The following MIA variants were observed in gnomAD, a reference collection of about 807,000 sequenced individuals.
MIA encodes the protein melanoma-derived growth regulatory protein.
MIA carries 18 observed loss-of-function variants against 18.5 expected under a neutral mutation model. The ratio of observed to expected loss-of-function variants is 0.97; its 90% confidence interval spans 0.67 to 1.44. The LOEUF (loss-of-function observed/expected upper bound fraction) is 1.44. MIA is among the 40% of genes most tolerant of loss of function. MIA has a pLI of 0.00. For synonymous variants in MIA, 55 were observed against 64.9 expected, an observed-to-expected ratio of 0.85 and a Z score of 0.74; for missense variants, 158 against 172.4, an observed-to-expected ratio of 0.92 and a Z score of 0.47.
At chr19:40,776,260 C>T (rs2082995574) in intron 2 of MIA, among the ~76,000 whole-genome samples, 2 of 152,102 alleles carry the variant, frequency 1.3e-5, no homozygotes. Flanking sequence ...CTCCTGACCT[C>T]ATGATCTGCC....
rs953871627 is a variant in MIA, at chr19:40,775,590, C to T, written c.48C>T (p.Ala16=). 1.9e-6 allele frequency: 3 copies of T among 1,614,192 alleles called. No individual in the cohort carries two copies. Among genetic ancestry groups the T allele is most frequent in the Middle Eastern group, 1.6e-4 (1 of 6,062 alleles). The change falls in exon 1 of 4, where the codon GCC becomes GCT. Residue 16 remains alanine (A), a synonymous_variant. Coordinates refer to ENST00000263369, the MANE Select transcript of MIA (RefSeq NM_006533.4). ...VCLGVIILLS[A]FSGPGVRGGP... ...TTGGTGTCATCATCTTGCTGTCTGC[C>T]TTCTCCGGACCTGGTGTCAGGGGTG...
At chr19:40,775,951 G>A (rs2082993054) in intron 2 of MIA, 66 bp downstream of exon 2, 1 of 1,570,812 alleles carries the variant, frequency 6.4e-7, no homozygotes, top group East Asian at 2.3e-5. Context: ...TCCCCATGAA[G>A]GGAAGATTTG....
intron 3 of MIA, 32 bp downstream of exon 3, chr19:40,777,111 G>C (rs374749826): frequency 2.6e-5 from 41 of 1,576,834 alleles, no homozygotes; most frequent in Non-Finnish European, 3.4e-5. Flanking sequence ...AAGAAATGTG[G>C]GGGGAGGACC....
At position 40,775,670 on chromosome 19, in the gene MIA, G is replaced by GT. The variant is rs1568488814; in HGVS notation, c.127+2dup. On this transcript the variant is annotated splice_donor_variant, in intron 1 of 3. Transcript: ENST00000263369. LOFTEE classifies it high-confidence loss of function. Reference sequence around the variant, plus strand: ...CTGTGTGCGGACCAGGAGTGCAGCCGTAAGAATGGGGAGGGGAGAATTGGG... The same window carrying GT: ...CTGTGTGCGGACCAGGAGTGCAGCCGTTAAGAATGGGGAGGGGAGAATTGGG... The GT allele has an allele frequency of 1.2e-6, 2 of 1,614,032 alleles. No individual in the cohort carries two copies. The highest frequency in any genetic ancestry group is 4.5e-5 in the East Asian group (2 of 44,890).
upstream of MIA, chr19:40,775,449 A>G: frequency 1.9e-6 from 3 of 1,585,132 alleles, no homozygotes; most frequent in Non-Finnish European, 2.6e-6. Flanking sequence ...GACAAGACCA[A>G]GAACACAAGT....
At chr19:40,777,259 G>C in intron 3 of MIA, 138 bp from the exon 4 acceptor site, 1 of 1,152,166 alleles carries the variant, frequency 8.7e-7, no homozygotes, top group Non-Finnish European at 1.3e-6. Flanking sequence ...GCAAAGATTA[G>C]AGGGCTCTAG....
At chr19:40,775,462 C>T, upstream of MIA, 1 of 1,597,084 alleles carries the variant, frequency 6.3e-7, no homozygotes, top group Non-Finnish European at 8.6e-7. Flanking sequence ...ACACAAGTTT[C>T]CTTGTACTAC....
Position 40,775,893 on chromosome 19 carries a change from T to C in MIA, c.261+8T>C, listed in dbSNP as rs1415904132. The C allele has an allele frequency of 6.2e-7, 1 of 1,613,350 alleles. No homozygotes were observed. The highest frequency in any genetic ancestry group is 1.1e-5 in the South Asian group (1 of 91,016). On this transcript the variant is annotated splice_region_variant and intron_variant, in intron 2 of 3. Coordinates refer to ENST00000263369, the MANE Select transcript of MIA (RefSeq NM_006533.4). ...CTCTTCTGGGGAGGCAGCGTGAGTCTTGGGAGAGTGAAAGAGGGAAGGGTA... is the reference window on the plus strand; with the variant it reads ...CTCTTCTGGGGAGGCAGCGTGAGTCCTGGGAGAGTGAAAGAGGGAAGGGTA...
chr19:40,776,422 T>C (rs1338961038), intron 2 of MIA, among the ~76,000 whole-genome samples: 2 of 151,776 alleles, frequency 1.3e-5, no homozygotes, highest in Admixed American at 1.3e-4. Flanking sequence ...TTTATTCTAA[T>C]GGAGGGAAAT....
In MIA at chr19:40,776,945, T is replaced by C. The variant is rs539978514; in HGVS notation, c.262-24T>C. The C allele has an allele frequency of 7.0e-6, 11 of 1,574,142 alleles. No homozygotes were observed. In the East Asian group the frequency reaches 2.5e-4, roughly 35 times the overall value. On this transcript the variant is annotated intron_variant, in intron 2 of 3. Coordinates refer to ENST00000263369, the MANE Select transcript of MIA (RefSeq NM_006533.4). ...ACAAGCTTGCCATCTTCCCAGACCC[T>C]AGCTTTTAACTCCTCTTCCCCAGGT...
intron 3 of MIA, 125 bp downstream of exon 3, chr19:40,777,204 C>A: frequency 9.0e-7 from 1 of 1,110,266 alleles, no homozygotes. Context: ...AAATTCTTTC[C>A]CTGCCTCAAT....
rs140077816 is a variant in MIA, at chr19:40,775,670, G to T, written c.127+1G>T. 6.2e-7 allele frequency: 1 copy of T among 1,614,150 alleles called. No individual in the cohort carries two copies. On this transcript the variant is annotated splice_donor_variant, in intron 1 of 3. Coordinates refer to ENST00000263369, the MANE Select transcript of MIA (RefSeq NM_006533.4). LOFTEE classifies it high-confidence loss of function. Reference sequence around the variant, plus strand: ...CTGTGTGCGGACCAGGAGTGCAGCCGTAAGAATGGGGAGGGGAGAATTGGG... The same window carrying T: ...CTGTGTGCGGACCAGGAGTGCAGCCTTAAGAATGGGGAGGGGAGAATTGGG...
At chr19:40,777,114 G>C (rs2083002870) in intron 3 of MIA, 35 bp downstream of exon 3, 1 of 1,570,234 alleles carries the variant, frequency 6.4e-7, no homozygotes, top group East Asian at 2.2e-5. Context: ...AAATGTGGGG[G>C]GAGGACCCTT....
intron 2 of MIA, among the ~76,000 whole-genome samples, chr19:40,776,504 CCAAGT>C: frequency 6.6e-6 from 1 of 152,086 alleles, no homozygotes; most frequent in Non-Finnish European, 1.5e-5. Context: ...CCAAGTAAGG[CCAAGT>C]TGGGAGGATA....
At chr19:40,775,393 A>G (rs2082988117), upstream of MIA, 2 of 1,206,036 alleles carry the variant, frequency 1.7e-6, no homozygotes, top group Admixed American at 4.2e-5. Flanking sequence ...GTTTCATAGC[A>G]ACTTCTAGGT....
chr19:40,775,349 T>C (rs2145027424), upstream of MIA: 19 of 842,604 alleles, frequency 2.3e-5, no homozygotes, highest in South Asian at 3.3e-4. Flanking sequence ...TTCCTTGGGC[T>C]TACAGCCTTT....
intron 2 of MIA, among the ~76,000 whole-genome samples, chr19:40,776,633 C>T (rs2145029765): frequency 6.6e-6 from 1 of 152,106 alleles, no homozygotes; most frequent in Non-Finnish European, 1.5e-5. Context: ...GTCCCGGCTA[C>T]TCGGGAGGCT....
Position 40,777,427 on chromosome 19 carries a change from C to T in MIA, c.*7C>T. Reference sequence around the variant, plus strand: ...GGATTTCTACTGCCAGTGAGCTCAGCCTACCGCTGGCCCTGCCGTTTCCCC... The same window carrying T: ...GGATTTCTACTGCCAGTGAGCTCAGTCTACCGCTGGCCCTGCCGTTTCCCC... On this transcript the variant is annotated 3_prime_UTR_variant, in exon 4 of 4. Transcript: ENST00000263369. 5.0e-6 allele frequency: 8 copies of T among 1,613,486 alleles called. No homozygotes were observed. Among genetic ancestry groups the T allele is most frequent in the Non-Finnish European group, 5.9e-6 (7 of 1,179,602 alleles).
intron 2 of MIA, 108 bp downstream of exon 2, chr19:40,775,993 G>A: frequency 2.3e-6 from 3 of 1,327,588 alleles, no homozygotes; most frequent in Admixed American, 2.5e-5. Flanking sequence ...CATTGTGGGG[G>A]GATATTGTTA....
Sources: allele counts gnomAD v4.1 joint callset (sites outside exome capture counted in the v4.1 genomes callset), GRCh38; gene constraint gnomAD v4.1.1; transcripts MANE v1.5; gene names NCBI Gene and HGNC (gene_info 2026-07-23, HGNC 2026-07-21).